Variants in FBXO3 observed in about 807,000 individuals in gnomAD.
The protein encoded by FBXO3 is F-box only protein 3.
A neutral mutation model predicts 64.8 loss-of-function variants in FBXO3; 17 were observed. The ratio of observed to expected loss-of-function variants is 0.26; its 90% CI spans 0.18 to 0.39. The LOEUF is 0.39. Ranked by LOEUF, FBXO3 falls within the 10% of genes least tolerant of loss-of-function variation. FBXO3 has a pLI of 1.00. For synonymous variants in FBXO3, 182 were observed against 201.6 expected, an observed-to-expected ratio of 0.90 and a Z score of 0.82; for missense variants, 420 against 589.9, an observed-to-expected ratio of 0.71 and a Z score of 2.98.
At chr11:33,748,916 G>T in intron 8 of FBXO3, 24 bp from the exon 9 acceptor site, 1 of 1,513,916 alleles carries the variant, frequency 6.6e-7, no homozygotes, top group Non-Finnish European at 9.2e-7. Flanking sequence ...TGGGGTGGTA[G>T]AGACAAAAAT....
At position 33,774,515 on chromosome 11, in the gene FBXO3, A is replaced by C. The variant is rs376305440; in HGVS notation, c.-18T>G. 9 of 1,481,006 alleles carry C rather than the reference A, an allele frequency of 6.1e-6. No homozygotes were observed. The African/African-American group carries it at 1.3e-4, about 21-fold the overall frequency. 91.7% of individuals were successfully genotyped at this position (1,481,006 alleles called of 1,614,324 possible). On this transcript the variant is annotated 5_prime_UTR_variant, in exon 1 of 11. Transcript: ENST00000265651. ...GCCGCCATCTTGCCTGGCCCGGTGC[A>C]GGTCTGGCCCCGCCCTGGCCCCGCC...
intron 1 of FBXO3, chr11:33,772,915 G>A (rs1246367581): frequency 6.6e-6 from 1 of 151,996 alleles, no homozygotes; most frequent in Non-Finnish European, 1.5e-5. Flanking sequence ...AAGGTAGAGA[G>A]GGCATCTTCT....
chr11:33,745,825 G>A (rs141148029), intron 10 of FBXO3: 45 of 152,128 alleles, frequency 3.0e-4, no homozygotes, highest in African/African-American at 9.4e-4. Flanking sequence ...GAGAAAATTA[G>A]TAAAACCAAA....
chr11:33,772,068 T>C (rs560942000), intron 1 of FBXO3: 1 of 152,286 alleles, frequency 6.6e-6, no homozygotes, highest in Admixed American at 6.5e-5. Flanking sequence ...ATTTATTCAC[T>C]CCATTTCAGA....
chr11:33,757,656 T>TAAAAAAAAAAAAAAAAAAAAAA (rs1170445394), intron 4 of FBXO3, among the ~76,000 whole-genome samples: 3 of 23,980 alleles, frequency 1.3e-4, no homozygotes, highest in Admixed American at 4.9e-4. Context: ...CACCATCTCT[T>TAAAAAAAAAAAAAAAAAAAAAA]AAAAAAAAAA....
intron 10 of FBXO3, chr11:33,744,129 C>T (rs1004281448): frequency 6.6e-6 from 1 of 151,714 alleles, no homozygotes; most frequent in Non-Finnish European, 1.5e-5. Flanking sequence ...TTTTTTTAAT[C>T]TAAGGAATGA....
chr11:33,774,338 C>A (rs1261195515), intron 1 of FBXO3, 56 bp downstream of exon 1: 4 of 1,420,804 alleles, frequency 2.8e-6, no homozygotes, highest in Admixed American at 2.0e-5. Context: ...TTTCCCCCTG[C>A]CTCACCGCCT....
At chr11:33,765,997 G>A (rs1855361084) in intron 3 of FBXO3, among the ~76,000 whole-genome samples, 1 of 152,106 alleles carries the variant, frequency 6.6e-6, no homozygotes, top group African/African-American at 2.4e-5. Context: ...TTTCTTTATA[G>A]CAATGCAAGA....
chr11:33,755,270 T>A (rs1250532852), intron 5 of FBXO3, among the ~76,000 whole-genome samples: 1 of 152,214 alleles, frequency 6.6e-6, no homozygotes, highest in East Asian at 1.9e-4. Context: ...AAATTACTGA[T>A]AACTGAAAAT....
At chr11:33,767,884 A>C (rs1053115231) in intron 3 of FBXO3, among the ~76,000 whole-genome samples, 14 of 152,232 alleles carry the variant, frequency 9.2e-5, no homozygotes, top group African/African-American at 3.1e-4. Flanking sequence ...AATATTAATC[A>C]AGGGTACTTT....
chr11:33,770,992 T>A (rs1313383301), intron 1 of FBXO3, 162 bp from the exon 2 acceptor site: 2 of 532,472 alleles, frequency 3.8e-6, no homozygotes, highest in Non-Finnish European at 6.6e-6. Context: ...CTGTTTAACA[T>A]GTTAAGTAGT....
intron 3 of FBXO3, among the ~76,000 whole-genome samples, chr11:33,759,082 C>T (rs2133610219): frequency 6.6e-6 from 1 of 152,262 alleles, no homozygotes; most frequent in Non-Finnish European, 1.5e-5. Context: ...TGTAAACTTG[C>T]CACATATTCT....
chr11:33,761,601 T>C (rs1564992313), intron 3 of FBXO3, among the ~76,000 whole-genome samples: 1 of 152,236 alleles, frequency 6.6e-6, no homozygotes, highest in Non-Finnish European at 1.5e-5. Context: ...TTTCTCCTGC[T>C]GTAATATTAG....
chr11:33,772,644 T>G (rs1247158225), intron 1 of FBXO3: 1 of 152,288 alleles, frequency 6.6e-6, no homozygotes, highest in Non-Finnish European at 1.5e-5. Context: ...CACTTCTCAC[T>G]TCCTATTCCT....
At chr11:33,761,153 GGAGAA>G (rs1011765959) in intron 3 of FBXO3, among the ~76,000 whole-genome samples, 15 of 152,088 alleles carry the variant, frequency 9.9e-5, no homozygotes, top group African/African-American at 3.1e-4. Flanking sequence ...AAAAAAGAAA[GGAGAA>G]GAGAATGGAA....
chr11:33,766,730 T>C (rs973610898), intron 3 of FBXO3, among the ~76,000 whole-genome samples: 1 of 152,208 alleles, frequency 6.6e-6, no homozygotes, highest in African/African-American at 2.4e-5. Context: ...CTCTATAACC[T>C]TGCAATTGAA....
chr11:33,744,275 CA>C (rs1854758984), intron 10 of FBXO3: 1 of 151,886 alleles, frequency 6.6e-6, no homozygotes, highest in Admixed American at 6.6e-5. Context: ...TTAAAGAACT[CA>C]ATGTGGCTAA....
chr11:33,751,828 T>C (rs1854968174), intron 6 of FBXO3, among the ~76,000 whole-genome samples: 1 of 152,254 alleles, frequency 6.6e-6, no homozygotes, highest in Non-Finnish European at 1.5e-5. Flanking sequence ...CCAACTATTG[T>C]TAGAGAATCC....
At chr11:33,756,940 C>A (rs545094498) in intron 4 of FBXO3, 106 of 508,874 alleles carry the variant, frequency 2.1e-4, no homozygotes, top group Middle Eastern at 9.7e-4. Flanking sequence ...GCTATGCTAC[C>A]CAGGTTGGTC....
Sources: gnomAD v4.1 joint callset for allele counts (sites outside exome capture counted in the v4.1 genomes callset) on GRCh38, gnomAD v4.1.1 for gene constraint, MANE v1.5 for transcripts, NCBI Gene and HGNC (gene_info 2026-07-23, HGNC 2026-07-21) for gene names.